SHANK2: variants seen among roughly 807,000 people sequenced by gnomAD.
SHANK2 encodes the protein SH3 and multiple ankyrin repeat domains protein 2.
SHANK2 carries 43 observed loss-of-function variants against 133.7 expected under a neutral mutation model. The observed-to-expected ratio is 0.32, with a 90% confidence interval of 0.25 to 0.41. SHANK2 has a LOEUF of 0.41. Among genes scored for constraint, SHANK2 ranks in the 10% least tolerant of loss-of-function variants. The probability of loss-of-function intolerance (pLI) is 1.00; values close to 1 mark genes in which losing one functional copy is unlikely to be tolerated. For synonymous variants in SHANK2, 1,017 were observed against 952.8 expected (o/e 1.07, Z -1.24); for missense variants, 1,994 against 2,235.8 (o/e 0.89, Z 2.18).
At chr11:70,581,726 G>A (rs781881987) in intron 17 of SHANK2, among the ~76,000 whole-genome samples, 3 of 152,156 alleles carry the variant, frequency 2.0e-5, no homozygotes, top group Non-Finnish European at 4.4e-5. Context: ...CTAGCTAGCT[G>A]AAGGCAAAGA....
In SHANK2 at chr11:70,934,242, C is replaced by A. The variant is rs1315110696; in HGVS notation, c.1108-37675G>T. Reference sequence around the variant, plus strand: ...GCGGGACTGTGTCTCAACAACAACACCACCAAAAAAAAAAAAAAAAAACAG... The same window carrying A: ...GCGGGACTGTGTCTCAACAACAACAACACCAAAAAAAAAAAAAAAAAACAG... On this transcript the variant is annotated intron_variant, in intron 10 of 25. Coordinates refer to ENST00000601538, the MANE Select transcript of SHANK2 (RefSeq NM_012309.5). 6.2e-5 allele frequency among the ~76,000 whole-genome samples: 6 copies of A among 97,032 alleles called. No individual in the cohort carries two copies. In the South Asian group the frequency reaches 1.3e-3, roughly 22 times the overall value. 63.7% of individuals were successfully genotyped at this position (97,032 alleles called of 152,430 possible). A position where few individuals can be genotyped will look rare whatever the true frequency, so the allele number is the denominator to read the frequency against.
At position 70,486,933 on chromosome 11, in the gene SHANK2, C is replaced by G. The variant is rs143036411; in HGVS notation, c.3360G>C (p.Arg1120Ser). The G allele has an allele frequency of 6.2e-7, 1 of 1,612,488 alleles. No individual in the cohort carries two copies. The change falls in exon 25 of 26, where the codon AGG becomes AGC. Residue 1120 changes from arginine to serine, a missense_variant. Arg to Ser is a moderately radical substitution (Grantham distance 110, BLOSUM62 -1). Around this residue, in one of 5 missense-constraint regions of SHANK2, gnomAD observed 797 missense variants for 907.4 expected, o/e 0.88. Coordinates refer to ENST00000601538, the MANE Select transcript of SHANK2 (RefSeq NM_012309.5). The surrounding 1 kb of genome is among the most constrained non-coding windows in gnomAD (Gnocchi z 8.0). ...EDVGLGPPAPRTRPSMFPEEG... is the reference protein window; with the variant it reads ...EDVGLGPPAPSTRPSMFPEEG... ...CCTCGGGGAACATGGAGGGCCGCGT[C>G]CTGGGGGCGGGTGGCCCCAGGCCCA...
Position 70,882,792 on chromosome 11 carries a change from C to T in SHANK2, c.1174+13709G>A, listed in dbSNP as rs1169137454. ...TCTGTCCACGCTGGCCCAGCATCTG[C>T]GAGCACAGGAAGCCAAGCGGCTGGC... On this transcript the variant is annotated intron_variant, in intron 11 of 25. Coordinates refer to ENST00000601538, the MANE Select transcript of SHANK2 (RefSeq NM_012309.5). This position sits in a 1 kb window ranked among gnomAD's most constrained non-coding sequence, Gnocchi z 4.2. Among the ~76,000 whole-genome samples the T allele has an allele frequency of 6.6e-6, 1 of 152,204 alleles. No homozygotes were observed. The highest frequency in any genetic ancestry group is 1.5e-5 in the Non-Finnish European group (1 of 68,046).
chr11:70,632,517 G>A (rs1290134060), intron 17 of SHANK2, among the ~76,000 whole-genome samples: 1 of 152,136 alleles, frequency 6.6e-6, no homozygotes, highest in Non-Finnish European at 1.5e-5. Flanking sequence ...GGTTCAACCA[G>A]AGGCTCCTTT....
chr11:71,056,839 A>G (rs1259173969), intron 9 of SHANK2, among the ~76,000 whole-genome samples: 3 of 152,114 alleles, frequency 2.0e-5, no homozygotes, highest in African/African-American at 4.8e-5. Context: ...AGTAAAATAC[A>G]GAAAGGAAGA....
intron 2 of SHANK2, among the ~76,000 whole-genome samples, chr11:71,206,478 AGCCAGCAGCGCCGCACCCCC>A (rs1359015744): frequency 6.6e-6 from 1 of 152,168 alleles, no homozygotes; most frequent in East Asian, 1.9e-4. Flanking sequence ...GAAAGCCGGG[AGCCAGCAGCGCCGCACCCCC>A]GCCAGCCTAC....
chr11:70,481,369 C>T (rs757117562), intron 25 of SHANK2, among the ~76,000 whole-genome samples: 1 of 152,202 alleles, frequency 6.6e-6, no homozygotes, highest in African/African-American at 2.4e-5. Context: ...ATCAAACATA[C>T]CCAAGGAAAA....
At chr11:70,823,962 T>C (rs536526634) in intron 11 of SHANK2, among the ~76,000 whole-genome samples, 3 of 144,974 alleles carry the variant, frequency 2.1e-5, no homozygotes, top group Non-Finnish European at 3.0e-5. Flanking sequence ...AGAGGTGGTA[T>C]TGACAGCTCC....
At chr11:71,070,525 C>G (rs1305948960) in intron 9 of SHANK2, among the ~76,000 whole-genome samples, 2 of 152,104 alleles carry the variant, frequency 1.3e-5, no homozygotes, top group Non-Finnish European at 2.9e-5. Flanking sequence ...GCTCTCCATA[C>G]TACCTCCAGA....
At chr11:70,661,705 A>G (rs781930495) in intron 15 of SHANK2, 27 bp from the exon 16 acceptor site, 1 of 1,613,960 alleles carries the variant, frequency 6.2e-7, no homozygotes, top group African/African-American at 1.3e-5. Flanking sequence ...GGGGACAGCG[A>G]CCATTATTGT....
intron 14 of SHANK2, among the ~76,000 whole-genome samples, chr11:70,711,166 A>G (rs901013004): frequency 1.3e-4 from 20 of 152,162 alleles, no homozygotes; most frequent in Admixed American, 1.2e-3. Context: ...TGGGGTCCCC[A>G]GGACTTCCGT....
intron 17 of SHANK2, among the ~76,000 whole-genome samples, chr11:70,583,376 CGTGT>C (rs1184917024): frequency 6.6e-6 from 1 of 152,104 alleles, no homozygotes; most frequent in African/African-American, 2.4e-5. Flanking sequence ...CAGGGGCCAG[CGTGT>C]GGCAGCAGCA....
intron 11 of SHANK2, among the ~76,000 whole-genome samples, chr11:70,860,963 G>C (rs552844222): frequency 7.2e-5 from 11 of 152,306 alleles, no homozygotes; most frequent in South Asian, 6.2e-4. Context: ...GCATCTCAGG[G>C]GATACTCTCT....
At chr11:70,929,499 C>T (rs1555082153) in intron 10 of SHANK2, among the ~76,000 whole-genome samples, 2 of 152,170 alleles carry the variant, frequency 1.3e-5, no homozygotes, top group South Asian at 2.1e-4. Flanking sequence ...AATCCATTTC[C>T]TCCCCTCTGC....
chr11:70,865,192 G>C lies in SHANK2; in HGVS notation c.1174+31309C>G, dbSNP rs1396577432. On this transcript the variant is annotated intron_variant, in intron 11 of 25. Transcript: ENST00000601538. ...TCCTCCTTGGAGATCCCATGGAGTG[G>C]GGTTCAAGGGGTCCTTATGATACCC... is the stretch of plus-strand genomic sequence containing the variant. 3.3e-5 allele frequency: 5 copies of C among 152,148 alleles called. No homozygotes were observed. In the East Asian group the frequency reaches 9.7e-4, roughly 29 times the overall value. The allele number at this position is 152,148 out of a possible 1,614,324, so 9.4% of individuals were successfully genotyped here.
chr11:70,626,148 C>T (rs972477045), intron 17 of SHANK2, among the ~76,000 whole-genome samples: 4 of 152,186 alleles, frequency 2.6e-5, no homozygotes, highest in Non-Finnish European at 4.4e-5. Flanking sequence ...CAGCTGGCAA[C>T]GGAAAACACC....
At chr11:70,897,167 T>C (rs1949948203) in intron 10 of SHANK2, among the ~76,000 whole-genome samples, 1 of 152,140 alleles carries the variant, frequency 6.6e-6, no homozygotes, top group Non-Finnish European at 1.5e-5. Flanking sequence ...TGATCTTTGA[T>C]ATGGGAGAGC....
chr11:70,931,559 G>A (rs782112950), intron 10 of SHANK2, among the ~76,000 whole-genome samples: 1 of 152,192 alleles, frequency 6.6e-6, no homozygotes, highest in Non-Finnish European at 1.5e-5. Context: ...AGAATCACCC[G>A]TCCTTGTGTT....
chr11:71,140,669 C>T (rs376213160), intron 3 of SHANK2, among the ~76,000 whole-genome samples: 4 of 152,322 alleles, frequency 2.6e-5, no homozygotes, highest in African/African-American at 7.2e-5. Flanking sequence ...GGCTGCTCCC[C>T]GGGCTGAACG....
Sources: gnomAD v4.1 joint callset for allele counts (sites outside exome capture counted in the v4.1 genomes callset) on GRCh38, gnomAD v4.1.1 for gene constraint, gnomAD v4.1.1 regional missense constraint, Gnocchi (gnomAD v3.1) non-coding constraint, MANE v1.5 for transcripts, NCBI Gene and HGNC (gene_info 2026-07-23, HGNC 2026-07-21) for gene names.